Variants in MARCHF1 observed in about 807,000 individuals in gnomAD.
MARCHF1 encodes the protein E3 ubiquitin-protein ligase MARCHF1.
MARCHF1 carries 40 observed loss-of-function variants against 54.2 expected under a neutral mutation model. That is an observed-to-expected ratio of 0.74 (90% CI 0.57 to 0.96). The LOEUF is 0.96. Among genes scored for constraint, MARCHF1 ranks in the 40% least tolerant of loss-of-function variants. The pLI is 0.00. For synonymous variants in MARCHF1, 236 were observed against 236.3 expected, an observed-to-expected ratio of 1.00 and a Z score of 0.01; for missense variants, 586 against 656.5, an observed-to-expected ratio of 0.89 and a Z score of 1.17.
At chr4:163,666,055 G>A (rs888524527) in intron 5 of MARCHF1, among the ~76,000 whole-genome samples, 2 of 152,098 alleles carry the variant, frequency 1.3e-5, no homozygotes, top group African/African-American at 4.8e-5. Flanking sequence ...TTTAATTACT[G>A]TTAAGCATTG....
In MARCHF1 at chr4:164,289,086, A is replaced by G. The variant is rs574734913; in HGVS notation, c.-323+94784T>C. On this transcript the variant is annotated intron_variant, in intron 1 of 9. Coordinates refer to ENST00000514618, the MANE Select transcript of MARCHF1 (RefSeq NM_001394959.1). The stretch of plus-strand genomic sequence containing the variant: ...TGCTACACTCATTTTTCCCTCAACA[A>G]ATTAGTAAGTTTCAAATCATCCTAA... 2.0e-5 allele frequency among the ~76,000 whole-genome samples: 3 copies of G among 152,134 alleles called. No homozygotes were observed. The South Asian group carries it at 6.2e-4, about 32-fold the overall frequency.
intron 4 of MARCHF1, among the ~76,000 whole-genome samples, chr4:163,824,471 C>A (rs896311451): frequency 8.4e-5 from 12 of 142,970 alleles, no homozygotes; most frequent in Admixed American, 6.5e-4. Context: ...CTTCCTTACA[C>A]CTTATACAAA....
At chr4:163,928,618 G>A (rs536646883) in intron 3 of MARCHF1, among the ~76,000 whole-genome samples, 1 of 151,956 alleles carries the variant, frequency 6.6e-6, no homozygotes, top group South Asian at 2.1e-4. Context: ...GAAAAGTCTG[G>A]ATAGAAATGG....
intron 8 of MARCHF1, among the ~76,000 whole-genome samples, chr4:163,571,351 C>A (rs1189162549): frequency 6.6e-6 from 1 of 152,140 alleles, no homozygotes; most frequent in Non-Finnish European, 1.5e-5. Flanking sequence ...CTGGTCTTGT[C>A]CACTACTAAA....
chr4:163,589,536 T>G (rs74408878), intron 7 of MARCHF1, among the ~76,000 whole-genome samples: 415 of 152,192 alleles, frequency 2.7e-3, no homozygotes, highest in African/African-American at 9.5e-3. Flanking sequence ...CTAAATAAAT[T>G]TAAAAGCTAA....
chr4:163,748,658 C>T (rs1203004410), intron 4 of MARCHF1, among the ~76,000 whole-genome samples: 1 of 152,154 alleles, frequency 6.6e-6, no homozygotes, highest in Non-Finnish European at 1.5e-5. Context: ...TGGCCCATTG[C>T]CAGGTGATCC....
intron 4 of MARCHF1, among the ~76,000 whole-genome samples, chr4:163,761,901 G>C (rs1746836909): frequency 1.3e-5 from 2 of 152,086 alleles, no homozygotes; most frequent in Non-Finnish European, 2.9e-5. Context: ...AATTTTTTGA[G>C]ATAAAAACAC....
In MARCHF1 at chr4:163,967,698, A is replaced by G. The variant is rs202188376; in HGVS notation, c.-39+20803T>C. Reference sequence around the variant, plus strand: ...CACCCATCTATCTATATCGATATCTATTGATATGTACATAAAGAGAGGGGG... The same window carrying G: ...CACCCATCTATCTATATCGATATCTGTTGATATGTACATAAAGAGAGGGGG... On this transcript the variant is annotated intron_variant, in intron 3 of 9. Transcript: ENST00000514618. Among the ~76,000 whole-genome samples, 17 of 152,230 alleles carry G rather than the reference A, an allele frequency of 1.1e-4. No homozygotes were observed. The East Asian group carries it at 2.9e-3, about 26-fold the overall frequency.
chr4:163,942,062 G>A (rs1221728778), intron 3 of MARCHF1, among the ~76,000 whole-genome samples: 3 of 152,188 alleles, frequency 2.0e-5, no homozygotes, highest in Admixed American at 2.0e-4. Flanking sequence ...AATAAAAACT[G>A]TTGCATTTGG....
At chr4:164,352,157 G>A (rs1304409385) in intron 1 of MARCHF1, among the ~76,000 whole-genome samples, 9 of 125,746 alleles carry the variant, frequency 7.2e-5, no homozygotes, top group East Asian at 4.5e-4. Flanking sequence ...AAAGTGATGC[G>A]GAGAATGGAA....
At chr4:164,078,983 C>T (rs528873995) in intron 2 of MARCHF1, among the ~76,000 whole-genome samples, 95 of 152,206 alleles carry the variant, frequency 6.2e-4, no homozygotes, top group Non-Finnish European at 1.1e-3. Context: ...TCTCAAAACT[C>T]TTAACAATCA....
intron 8 of MARCHF1, among the ~76,000 whole-genome samples, chr4:163,578,619 T>C (rs558329191): frequency 6.6e-6 from 1 of 152,276 alleles, no homozygotes; most frequent in African/African-American, 2.4e-5. Context: ...AATTTTTCTA[T>C]GTGTTTATAA....
intron 4 of MARCHF1, among the ~76,000 whole-genome samples, chr4:163,743,679 C>T (rs748996144): frequency 1.3e-5 from 2 of 150,880 alleles, no homozygotes; most frequent in African/African-American, 4.9e-5. Context: ...CCCAGGTTCA[C>T]GCCATTCTCC....
chr4:164,257,249 A>C (rs1733313669), intron 1 of MARCHF1, among the ~76,000 whole-genome samples: 1 of 152,166 alleles, frequency 6.6e-6, no homozygotes, highest in African/African-American at 2.4e-5. Context: ...AAACATATCT[A>C]CACCTAGGTT....
At chr4:164,342,573 TAAATA>T (rs1274518453) in intron 1 of MARCHF1, among the ~76,000 whole-genome samples, 10 of 151,384 alleles carry the variant, frequency 6.6e-5, no homozygotes, top group African/African-American at 2.2e-4. Context: ...TAAAATAAAA[TAAATA>T]AAACTACAAT....
intron 3 of MARCHF1, among the ~76,000 whole-genome samples, chr4:163,860,039 C>T (rs993525682): frequency 1.3e-5 from 2 of 152,246 alleles, no homozygotes; most frequent in South Asian, 4.1e-4. Flanking sequence ...CACTCCCATT[C>T]TTATAAAATG....
intron 4 of MARCHF1, among the ~76,000 whole-genome samples, chr4:163,824,253 T>C (rs1426681911): frequency 6.6e-6 from 1 of 152,030 alleles, no homozygotes; most frequent in Non-Finnish European, 1.5e-5. Flanking sequence ...AGGCTAGGCT[T>C]ATTTTATTTT....
At chr4:163,823,381 G>A (rs78532955) in intron 4 of MARCHF1, among the ~76,000 whole-genome samples, 4,051 of 151,742 alleles carry the variant, frequency 0.027, 70 homozygotes, top group East Asian at 0.074. Context: ...TAATAAACTC[G>A]AAACACTTTG....
At chr4:164,312,303 G>C (rs771432493) in intron 1 of MARCHF1, among the ~76,000 whole-genome samples, 1 of 146,682 alleles carries the variant, frequency 6.8e-6, no homozygotes, top group East Asian at 2.0e-4. Flanking sequence ...AAGCACCTGT[G>C]AATTATTTTC....
Sources: gnomAD v4.1 joint callset for allele counts (sites outside exome capture counted in the v4.1 genomes callset) on GRCh38, gnomAD v4.1.1 for gene constraint, MANE v1.5 for transcripts, NCBI Gene and HGNC (gene_info 2026-07-23, HGNC 2026-07-21) for gene names.